The following ENOX1 variants were observed in gnomAD, a reference collection of about 807,000 sequenced individuals.
ENOX1 encodes the protein candidate growth-related and time keeping constitutive hydroquinone (NADH) oxidase.
Under a neutral mutation model 82.5 loss-of-function variants are expected in ENOX1, and 42 were observed. The observed-to-expected ratio is 0.51, with a 90% CI of 0.40 to 0.66. The LOEUF is 0.66. Ranked by LOEUF, ENOX1 falls within the 30% of genes least tolerant of loss-of-function variation. The pLI, the probability that ENOX1 is intolerant of heterozygous loss-of-function variation, is 0.00. For synonymous variants in ENOX1, 271 were observed against 282.2 expected (o/e 0.96, Z 0.40); for missense variants, 608 against 811.6 (o/e 0.75, Z 3.05).
chr13:43,452,072 A>G (rs1466834515), intron 3 of ENOX1, among the ~76,000 whole-genome samples: 2 of 152,164 alleles, frequency 1.3e-5, no homozygotes, highest in Non-Finnish European at 2.9e-5. Context: ...TTCCTTTAAC[A>G]GTACGTATTA....
intron 12 of ENOX1, among the ~76,000 whole-genome samples, chr13:43,280,444 C>G (rs1302145044): frequency 6.6e-6 from 1 of 152,220 alleles, no homozygotes; most frequent in African/African-American, 2.4e-5. Flanking sequence ...TCACTAGTCT[C>G]TTTGGTTGCA....
At chr13:43,664,409 A>G (rs1380596539) in intron 2 of ENOX1, among the ~76,000 whole-genome samples, 1 of 152,234 alleles carries the variant, frequency 6.6e-6, no homozygotes, top group East Asian at 1.9e-4. Flanking sequence ...TGTTAGATAC[A>G]CATAAGTTAA....
chr13:43,329,405 G>A (rs1007977105), intron 9 of ENOX1, among the ~76,000 whole-genome samples: 8 of 152,130 alleles, frequency 5.3e-5, no homozygotes, highest in Admixed American at 4.6e-4. Context: ...GGGGTGCGAG[G>A]TACCACGATG....
At chr13:43,291,701 T>C (rs1270954689) in intron 12 of ENOX1, among the ~76,000 whole-genome samples, 1 of 151,944 alleles carries the variant, frequency 6.6e-6, no homozygotes, top group Non-Finnish European at 1.5e-5. Context: ...AAAGACTGGG[T>C]TAAAGGTAAA....
At chr13:43,333,424 A>T in intron 9 of ENOX1, among the ~76,000 whole-genome samples, 1 of 152,212 alleles carries the variant, frequency 6.6e-6, no homozygotes. Context: ...TCCATTACAA[A>T]TAACAGAAAC....
intron 2 of ENOX1, among the ~76,000 whole-genome samples, chr13:43,535,878 C>CACATACACATTATAATTTGT (rs1185514872): frequency 9.2e-5 from 14 of 152,126 alleles, no homozygotes; most frequent in Non-Finnish European, 1.9e-4. Context: ...TTTTAATTTG[C>CACATACACATTATAATTTGT]ACATACACAT....
chr13:43,541,608 T>G (rs1392690967), intron 2 of ENOX1, among the ~76,000 whole-genome samples: 3 of 152,216 alleles, frequency 2.0e-5, no homozygotes, highest in Non-Finnish European at 4.4e-5. Flanking sequence ...CAGACCAGGT[T>G]GACACTGTCT....
At chr13:43,716,415 C>T (rs564781672) in intron 1 of ENOX1, among the ~76,000 whole-genome samples, 28 of 152,284 alleles carry the variant, frequency 1.8e-4, no homozygotes, top group East Asian at 1.4e-3. Flanking sequence ...TCTTCTGCGT[C>T]GCTCATGCTG....
chr13:43,246,050 CCTT>C (rs760211118), intron 14 of ENOX1, among the ~76,000 whole-genome samples: 1 of 152,132 alleles, frequency 6.6e-6, no homozygotes, highest in Non-Finnish European at 1.5e-5. Flanking sequence ...ATCCTGGTGG[CCTT>C]CTTTCTAGGT....
chr13:43,247,861 ATATATATATATATATATATAT>A (rs2043196029), intron 14 of ENOX1, among the ~76,000 whole-genome samples: 1 of 1,778 alleles, frequency 5.6e-4, no homozygotes, highest in African/African-American at 1.7e-3. Context: ...ATATATATAT[ATATATATATATATATATATAT>A]ATTTTTTTTT....
At chr13:43,539,387 C>A (rs533111609) in intron 2 of ENOX1, among the ~76,000 whole-genome samples, 1 of 152,146 alleles carries the variant, frequency 6.6e-6, no homozygotes, top group African/African-American at 2.4e-5. Context: ...TCATTCAGGT[C>A]AAAATATTTT....
At chr13:43,563,861 C>T (rs1212842614) in intron 2 of ENOX1, among the ~76,000 whole-genome samples, 2 of 151,844 alleles carry the variant, frequency 1.3e-5, no homozygotes, top group Non-Finnish European at 2.9e-5. Flanking sequence ...AAAGGTCTCG[C>T]AGTAAAGAAA....
At chr13:43,276,811 A>G (rs1363599131) in intron 12 of ENOX1, among the ~76,000 whole-genome samples, 3 of 135,960 alleles carry the variant, frequency 2.2e-5, no homozygotes, top group Non-Finnish European at 4.7e-5. Flanking sequence ...CCTGGTATCT[A>G]CAATGCTCAC....
chr13:43,510,129 C>A (rs954020716), intron 2 of ENOX1, among the ~76,000 whole-genome samples: 1 of 151,950 alleles, frequency 6.6e-6, no homozygotes, highest in Non-Finnish European at 1.5e-5. Flanking sequence ...AAAGAATAAT[C>A]TATAAATATT....
intron 16 of ENOX1, among the ~76,000 whole-genome samples, chr13:43,217,080 A>AC (rs1304588602): frequency 6.6e-6 from 1 of 152,074 alleles, no homozygotes; most frequent in Non-Finnish European, 1.5e-5. Context: ...TGTGGACCAG[A>AC]CCTCCTGGCT....
chr13:43,308,270 A>C (rs2046983977), intron 11 of ENOX1, among the ~76,000 whole-genome samples: 2 of 148,222 alleles, frequency 1.3e-5, no homozygotes, highest in Admixed American at 6.7e-5. Context: ...CACTTAAACT[A>C]CCTCCCTCTC....
chr13:43,558,100 T>C (rs2079521762), intron 2 of ENOX1, among the ~76,000 whole-genome samples: 1 of 152,182 alleles, frequency 6.6e-6, no homozygotes, highest in Non-Finnish European at 1.5e-5. Flanking sequence ...TCTGTGGTCA[T>C]TCTGAGAGCT....
At chr13:43,624,543 C>A (rs577229996) in intron 2 of ENOX1, among the ~76,000 whole-genome samples, 4 of 152,066 alleles carry the variant, frequency 2.6e-5, no homozygotes, top group South Asian at 2.1e-4. Flanking sequence ...CACATTAAGT[C>A]CATAATCCAT....
chr13:43,717,600 C>G (rs1422776939), intron 1 of ENOX1, among the ~76,000 whole-genome samples: 6 of 152,080 alleles, frequency 3.9e-5, no homozygotes, highest in South Asian at 2.1e-4. Context: ...ACAGGGTAAA[C>G]AGACAGCCTA....
Sources: gnomAD v4.1 joint callset for allele counts (sites outside exome capture counted in the v4.1 genomes callset) on GRCh38, gnomAD v4.1.1 for gene constraint, MANE v1.5 for transcripts, NCBI Gene and HGNC (gene_info 2026-07-23, HGNC 2026-07-21) for gene names.